Variants in UNC13C observed in about 807,000 individuals in gnomAD.
UNC13C encodes unc-13 homolog C, also known as protein unc-13 homolog C.
In UNC13C, 174 loss-of-function variants were observed where a neutral mutation model predicts 245.4. The observed-to-expected ratio is 0.71, with a 90% CI of 0.63 to 0.80. The LOEUF is 0.80. Among genes scored for constraint, UNC13C ranks in the 30% least tolerant of loss-of-function variants. The pLI is 0.00. For missense variants in UNC13C, 2,829 were observed against 2,602.9 expected, an observed-to-expected ratio of 1.09 and a Z score of -1.89; for synonymous variants, 992 against 895.1, an observed-to-expected ratio of 1.11 and a Z score of -1.93.
chr15:53,935,974 G>A, the UNC13C span, among the ~76,000 whole-genome samples: 1 of 152,302 alleles, frequency 6.6e-6, no homozygotes, highest in Non-Finnish European at 1.5e-5. Context: ...CAAAGCAGGA[G>A]ATCTGATCAT....
At chr15:53,932,156 A>G in the UNC13C span, among the ~76,000 whole-genome samples, 3 of 152,082 alleles carry the variant, frequency 2.0e-5, no homozygotes, top group Non-Finnish European at 4.4e-5. Context: ...TAAAAATACA[A>G]AAATTAGCTG....
intron 24 of UNC13C, among the ~76,000 whole-genome samples, chr15:54,517,692 T>G (rs1422602699): frequency 1.3e-5 from 2 of 152,190 alleles, no homozygotes; most frequent in African/African-American, 4.8e-5. Context: ...GCTGAGCACT[T>G]GTTATGAGCT....
chr15:54,038,124 A>ATAAAAATTTTTTTTT, intron 2 of UNC13C, among the ~76,000 whole-genome samples: 6 of 45,032 alleles, frequency 1.3e-4, no homozygotes, highest in African/African-American at 6.3e-4. Context: ...ATATATATAT[A>ATAAAAATTTTTTTTT]TTTTTTTTTT....
intron 30 of UNC13C, among the ~76,000 whole-genome samples, chr15:54,568,849 A>G (rs1265789489): frequency 6.6e-6 from 1 of 152,070 alleles, no homozygotes; most frequent in Non-Finnish European, 1.5e-5. Context: ...TTCTACCTAT[A>G]TCAAAGATAA....
chr15:54,202,892 G>A (rs1016874808), intron 4 of UNC13C, among the ~76,000 whole-genome samples: 3 of 151,942 alleles, frequency 2.0e-5, no homozygotes, highest in African/African-American at 7.2e-5. Context: ...TCAACAGAAT[G>A]GGAGAAAATC....
At chr15:54,626,558 G>A (rs757864616) in intron 32 of UNC13C, among the ~76,000 whole-genome samples, 50 of 151,982 alleles carry the variant, frequency 3.3e-4, no homozygotes, top group Admixed American at 3.3e-4. Context: ...CAACTCCACC[G>A]CACCCGCAAT....
chr15:54,583,963 G>C (rs912811819), intron 30 of UNC13C, among the ~76,000 whole-genome samples: 23 of 152,170 alleles, frequency 1.5e-4, no homozygotes, highest in Non-Finnish European at 2.8e-4. Context: ...CCCTAACTGT[G>C]CTCTCTGGCT....
chr15:53,889,181 G>C, the UNC13C span, among the ~76,000 whole-genome samples: 1 of 152,170 alleles, frequency 6.6e-6, no homozygotes, highest in Non-Finnish European at 1.5e-5. Context: ...CCCTATCTAT[G>C]AGCATGGAAT....
chr15:54,365,276 G>T (rs970593925), intron 17 of UNC13C, among the ~76,000 whole-genome samples: 1 of 151,976 alleles, frequency 6.6e-6, no homozygotes, highest in Non-Finnish European at 1.5e-5. Context: ...TAAGTATTTT[G>T]TATCCATTGG....
intron 2 of UNC13C, among the ~76,000 whole-genome samples, chr15:54,035,937 G>A (rs765419831): frequency 7.5e-4 from 114 of 152,100 alleles, no homozygotes; most frequent in Non-Finnish European, 1.3e-3. Flanking sequence ...ATACATTTCT[G>A]TCTTGAGAAG....
chr15:54,199,229 C>A (rs2034448793), intron 4 of UNC13C, among the ~76,000 whole-genome samples: 1 of 151,994 alleles, frequency 6.6e-6, no homozygotes, highest in Non-Finnish European at 1.5e-5. Context: ...ATTGGTGTTT[C>A]CACAGAAAAA....
the UNC13C span, among the ~76,000 whole-genome samples, chr15:53,918,678 G>T: frequency 6.6e-6 from 1 of 152,132 alleles, no homozygotes; most frequent in Admixed American, 6.5e-5. Context: ...GGTGACTGCT[G>T]GGTCCCACAG....
At chr15:54,188,423 G>A (rs548513698) in intron 4 of UNC13C, among the ~76,000 whole-genome samples, 17 of 152,162 alleles carry the variant, frequency 1.1e-4, no homozygotes, top group African/African-American at 4.1e-4. Context: ...TTTTCTATAT[G>A]TATAATTTTA....
At chr15:54,038,124 A>ATAAAAATTTTTTTT in intron 2 of UNC13C, among the ~76,000 whole-genome samples, 3 of 45,040 alleles carry the variant, frequency 6.7e-5, no homozygotes, top group African/African-American at 3.2e-4. Flanking sequence ...ATATATATAT[A>ATAAAAATTTTTTTT]TTTTTTTTTT....
At chr15:53,985,902 T>C (rs974478813) in intron 1 of UNC13C, among the ~76,000 whole-genome samples, 10 of 152,072 alleles carry the variant, frequency 6.6e-5, no homozygotes, top group African/African-American at 2.4e-4. Flanking sequence ...CTTCCCATTT[T>C]GACTCCAGCT....
chr15:53,865,826 T>A, the UNC13C span, among the ~76,000 whole-genome samples: 1 of 152,130 alleles, frequency 6.6e-6, no homozygotes, highest in Admixed American at 6.5e-5. Flanking sequence ...ATATAGAAGT[T>A]TTATAAAAAT....
At chr15:54,538,379 G>T (rs1406497927) in intron 26 of UNC13C, among the ~76,000 whole-genome samples, 1 of 151,892 alleles carries the variant, frequency 6.6e-6, no homozygotes, top group African/African-American at 2.4e-5. Context: ...AAAAGGGAAT[G>T]CTTATACACT....
intron 4 of UNC13C, among the ~76,000 whole-genome samples, chr15:54,186,199 A>G (rs1210503934): frequency 2.0e-5 from 3 of 152,138 alleles, no homozygotes; most frequent in African/African-American, 7.2e-5. Flanking sequence ...CTAGATATAC[A>G]ATCATGTCAT....
intron 30 of UNC13C, among the ~76,000 whole-genome samples, chr15:54,576,347 GC>G (rs1897955104): frequency 6.6e-6 from 1 of 152,170 alleles, no homozygotes; most frequent in African/African-American, 2.4e-5. Flanking sequence ...CTTCTCCCTA[GC>G]TTTAAATAAT....
Sources: allele counts gnomAD v4.1 joint callset (sites outside exome capture counted in the v4.1 genomes callset), GRCh38; gene constraint gnomAD v4.1.1; transcripts MANE v1.5; gene names NCBI Gene and HGNC (gene_info 2026-07-23, HGNC 2026-07-21).